KLHL4: variants seen among roughly 807,000 people sequenced by gnomAD.
The protein encoded by KLHL4 is kelch like family member 4, also known as kelch-like protein 4.
Under a neutral mutation model 45.8 loss-of-function variants are expected in KLHL4, and 17 were observed. That is an observed-to-expected ratio of 0.37 (90% CI 0.25 to 0.56). The LOEUF is 0.56. KLHL4 is among the 20% of genes least tolerant of loss of function. The pLI is 0.79. For missense variants in KLHL4, 544 were observed against 544.9 expected (o/e 1.00, Z 0.02); for synonymous variants, 224 against 189.9 (o/e 1.18, Z -1.47).
chrX:87,531,270 A>G (rs1252557811), intron 1 of KLHL4, among the ~76,000 whole-genome samples: 1 of 110,411 alleles, frequency 9.1e-6, no homozygotes, highest in Non-Finnish European at 1.9e-5. Flanking sequence ...CTTTAGTTTA[A>G]TTAGATCCCA....
rs1475114593 is a variant in KLHL4 at position 87,636,237 on chromosome X, A to G, written c.1925+462A>G. Among the ~76,000 whole-genome samples, 4 of 112,205 alleles carry G rather than the reference A, an allele frequency of 3.6e-5. No homozygotes were observed. In the Admixed American group the frequency reaches 3.8e-4, roughly 11 times the overall value. The stretch of plus-strand genomic sequence containing the variant: ...TGTCATCTTATTGTTAAATAGTCAC[A>G]CTATAAAATAATAAGACAAAGTGGT... On this transcript the variant is annotated intron_variant, in intron 9 of 10. Coordinates refer to ENST00000373119, the MANE Select transcript of KLHL4 (RefSeq NM_019117.5).
chrX:87,667,486 T>A lies in KLHL4; in HGVS notation c.*952T>A. ...GTTAACACATGGGAACACCAAAATATTCAATAAGCCTGGTCAATTCTATAG... is the reference window on the plus strand; with the variant it reads ...GTTAACACATGGGAACACCAAAATAATCAATAAGCCTGGTCAATTCTATAG... On this transcript the variant is annotated 3_prime_UTR_variant, in exon 11 of 11. Transcript: ENST00000373119. 1.4e-6 allele frequency: 1 copy of A among 728,997 alleles called. No individual in the cohort carries two copies. Among genetic ancestry groups the A allele is most frequent in the South Asian group, 7.0e-5 (1 of 14,290 alleles). 60.1% of individuals were successfully genotyped at this position (728,997 alleles called of 1,213,427 possible). A position where few individuals can be genotyped will look rare whatever the true frequency, so the allele number is the denominator to read the frequency against.
chrX:87,529,641 A>T (rs1246571570), intron 1 of KLHL4, among the ~76,000 whole-genome samples: 1 of 111,416 alleles, frequency 9.0e-6, no homozygotes, highest in Non-Finnish European at 1.9e-5. Context: ...TCAGAAAGAA[A>T]ATGTTTGTTT....
At chrX:87,641,485 A>T (rs996882036) in intron 9 of KLHL4, among the ~76,000 whole-genome samples, 2 of 111,896 alleles carry the variant, frequency 1.8e-5, no homozygotes, top group Non-Finnish European at 3.8e-5. Flanking sequence ...CTCCACAGGG[A>T]GGAGGAAATC....
rs767108411 is a variant in KLHL4, at chrX:87,552,374, C to A, written c.422+34059C>A. Among the ~76,000 whole-genome samples, 4 of 109,908 alleles carry A rather than the reference C, an allele frequency of 3.6e-5. No individual in the cohort carries two copies. The East Asian group carries it at 8.5e-4, about 23-fold the overall frequency. The stretch of plus-strand genomic sequence containing the variant: ...TTACTCCTGCAAGAAAGGCCATAAT[C>A]AAAAAATAAAAATAAAAATAAAAAC... On this transcript the variant is annotated intron_variant, in intron 1 of 10. Coordinates refer to ENST00000373119, the MANE Select transcript of KLHL4 (RefSeq NM_019117.5).
intron 6 of KLHL4, among the ~76,000 whole-genome samples, chrX:87,626,228 A>G (rs1343934869): frequency 2.7e-5 from 3 of 111,490 alleles, no homozygotes; most frequent in African/African-American, 9.8e-5. Flanking sequence ...TCAGACATCA[A>G]CGTGTAAGGT....
At chrX:87,536,092 C>T (rs920315652) in intron 1 of KLHL4, among the ~76,000 whole-genome samples, 8 of 111,007 alleles carry the variant, frequency 7.2e-5, no homozygotes, top group African/African-American at 2.0e-4. Context: ...AATGCAAGAA[C>T]GAACTAATAC....
At position 87,642,643 on chromosome X, in the gene KLHL4, C is replaced by A. The variant is rs1019767057; in HGVS notation, c.1925+6868C>A. On this transcript the variant is annotated intron_variant, in intron 9 of 10. Coordinates refer to ENST00000373119, the MANE Select transcript of KLHL4 (RefSeq NM_019117.5). ...AGGCGAAGCCCAATGCAAGGAAATC[C>A]AAAAAATGATACAAGAAGTGAAGGG... 1.1e-3 allele frequency among the ~76,000 whole-genome samples: 124 copies of A among 111,607 alleles called. 1 individual carries two copies. Among genetic ancestry groups the A allele is most frequent in the African/African-American group, 3.9e-3 (120 of 30,787 alleles).
chrX:87,582,577 C>A (rs1431345925), intron 1 of KLHL4, among the ~76,000 whole-genome samples: 4 of 112,239 alleles, frequency 3.6e-5, no homozygotes, highest in Non-Finnish European at 7.5e-5. Flanking sequence ...AACTACAGCA[C>A]TCTGTGTCCC....
chrX:87,585,224 A>G (rs890500452), intron 1 of KLHL4, among the ~76,000 whole-genome samples: 6 of 111,996 alleles, frequency 5.4e-5, no homozygotes, highest in African/African-American at 1.6e-4. Flanking sequence ...GGCCTGTCCT[A>G]CAAGAAATGC....
intron 3 of KLHL4, among the ~76,000 whole-genome samples, chrX:87,616,035 C>T (rs1437015988): frequency 9.0e-6 from 1 of 111,370 alleles, no homozygotes; most frequent in African/African-American, 3.3e-5. Context: ...TATGCCACAA[C>T]CCCATAATGT....
At chrX:87,548,845 G>GGAAA (rs1931743498) in intron 1 of KLHL4, among the ~76,000 whole-genome samples, 1 of 80,145 alleles carries the variant, frequency 1.2e-5, no homozygotes. Context: ...AAGAAAGAAT[G>GGAAA]AAAAAAAAAA....
intron 1 of KLHL4, among the ~76,000 whole-genome samples, chrX:87,534,539 A>AC (rs1449361787): frequency 9.0e-6 from 1 of 111,410 alleles, no homozygotes; most frequent in Non-Finnish European, 1.9e-5. Flanking sequence ...CGGATGCTTA[A>AC]AAACAATAGA....
chrX:87,647,429 T>C (rs1923673849), intron 9 of KLHL4, among the ~76,000 whole-genome samples: 1 of 112,091 alleles, frequency 8.9e-6, no homozygotes, highest in South Asian at 3.6e-4. Context: ...AAAAGATACC[T>C]GCACACACAT....
At chrX:87,650,203 C>T (rs759023226) in intron 9 of KLHL4, among the ~76,000 whole-genome samples, 2 of 111,083 alleles carry the variant, frequency 1.8e-5, no homozygotes, top group Non-Finnish European at 3.8e-5. Context: ...TCATGTAATC[C>T]TCCTACCTCA....
At chrX:87,649,257 T>C (rs1378280630) in intron 9 of KLHL4, among the ~76,000 whole-genome samples, 1 of 111,802 alleles carries the variant, frequency 8.9e-6, no homozygotes, top group Non-Finnish European at 1.9e-5. Flanking sequence ...CTATTCTAGT[T>C]ACCTCATAAA....
At chrX:87,569,736 G>A (rs1054435131) in intron 1 of KLHL4, among the ~76,000 whole-genome samples, 1 of 111,718 alleles carries the variant, frequency 9.0e-6, no homozygotes, top group Non-Finnish European at 1.9e-5. Context: ...GTCACATGTT[G>A]TGTAATTCTA....
intron 1 of KLHL4, among the ~76,000 whole-genome samples, chrX:87,593,236 C>G (rs1355614867): frequency 9.0e-6 from 1 of 110,673 alleles, no homozygotes; most frequent in Non-Finnish European, 1.9e-5. Context: ...ATTCAGATCT[C>G]TGAAAGTGTC....
intron 1 of KLHL4, among the ~76,000 whole-genome samples, chrX:87,603,777 T>C (rs1270362674): frequency 1.8e-5 from 2 of 110,312 alleles, no homozygotes; most frequent in Non-Finnish European, 3.8e-5. Flanking sequence ...TAATATACAG[T>C]ACTTTACAGT....
Sources: allele counts gnomAD v4.1 joint callset (sites outside exome capture counted in the v4.1 genomes callset), GRCh38; gene constraint gnomAD v4.1.1; transcripts MANE v1.5; gene names NCBI Gene and HGNC (gene_info 2026-07-23, HGNC 2026-07-21).